The following SEMA3A variants were observed in gnomAD, a reference collection of about 807,000 sequenced individuals.
SEMA3A encodes the protein semaphorin 3A.
Under a neutral mutation model 97.9 loss-of-function variants are expected in SEMA3A, and 29 were observed. The ratio of observed to expected loss-of-function variants is 0.30; its 90% confidence interval spans 0.22 to 0.40. SEMA3A has a LOEUF of 0.40. SEMA3A is among the 10% of genes least tolerant of loss of function. The pLI, the probability that SEMA3A is intolerant of heterozygous loss-of-function variation, is 1.00. For synonymous variants in SEMA3A, 321 were observed against 323.7 expected (o/e 0.99, Z 0.09); for missense variants, 763 against 951.3 (o/e 0.80, Z 2.60).
intron 1 of SEMA3A, among the ~76,000 whole-genome samples, chr7:84,391,361 T>A (rs1562930097): frequency 6.6e-6 from 1 of 152,096 alleles, no homozygotes; most frequent in Non-Finnish European, 1.5e-5. Flanking sequence ...AGGAAACATA[T>A]GTGGAAATCC....
intron 9 of SEMA3A, among the ~76,000 whole-genome samples, chr7:84,007,905 T>A (rs1790730340): frequency 6.6e-6 from 1 of 152,208 alleles, no homozygotes; most frequent in Non-Finnish European, 1.5e-5. Flanking sequence ...TTAGCAAGAA[T>A]GTTTAAGAAC....
intron 1 of SEMA3A, among the ~76,000 whole-genome samples, chr7:84,142,085 A>C (rs747885538): frequency 1.3e-5 from 2 of 152,202 alleles, no homozygotes; most frequent in Non-Finnish European, 2.9e-5. Flanking sequence ...CTTCAAAGGC[A>C]GAACTATCTG....
chr7:84,319,673 C>T (rs952367431), intron 2 of SEMA3A, among the ~76,000 whole-genome samples: 1 of 152,116 alleles, frequency 6.6e-6, no homozygotes, highest in African/African-American at 2.4e-5. Context: ...GTGACATTAT[C>T]ACCAAAATAT....
chr7:84,453,136 A>G (rs1805600308), intron 1 of SEMA3A, among the ~76,000 whole-genome samples: 1 of 152,198 alleles, frequency 6.6e-6, no homozygotes, highest in African/African-American at 2.4e-5. Flanking sequence ...TCGTATCCTT[A>G]TACATATCGA....
At chr7:84,037,558 C>T (rs888518262) in intron 6 of SEMA3A, among the ~76,000 whole-genome samples, 3 of 152,030 alleles carry the variant, frequency 2.0e-5, no homozygotes, top group African/African-American at 4.8e-5. Context: ...TCTGTAAACA[C>T]GTTGAAAAGT....
chr7:84,074,557 T>C (rs1228376426), intron 4 of SEMA3A, among the ~76,000 whole-genome samples: 2 of 152,004 alleles, frequency 1.3e-5, no homozygotes, highest in African/African-American at 4.8e-5. Context: ...AAGCAAACAA[T>C]AAATTCCTGC....
In SEMA3A at chr7:83,961,550, G is replaced by C. The variant is rs757793153; in HGVS notation, c.2137C>G (p.Pro713Ala). ...YRDFMQLINH[P>A]NLNTMDEFCE... ...AACTCATCCATTGTGTTGAGATTGG[G>C]GTGGTTGATGAGCTGCATGAAGTCT... Residue 713 changes from proline (P) to alanine (A), a missense_variant, in exon 17 of 17, where the codon CCC (proline) becomes GCC (alanine). Pro to Ala is a conservative substitution (Grantham distance 27). Transcript: ENST00000265362. 1 of 1,614,070 alleles carries C rather than the reference G, an allele frequency of 6.2e-7. No individual in the cohort carries two copies. The highest frequency in any genetic ancestry group is 8.5e-7 in the Non-Finnish European group (1 of 1,179,964).
intron 1 of SEMA3A, among the ~76,000 whole-genome samples, chr7:84,443,520 CA>C (rs754852043): frequency 1.4e-4 from 22 of 151,970 alleles, no homozygotes; most frequent in Admixed American, 3.9e-4. Context: ...GAGTAGGAAA[CA>C]AAAAGTGTCA....
intron 1 of SEMA3A, among the ~76,000 whole-genome samples, chr7:84,441,191 A>T (rs1015021926): frequency 2.0e-5 from 3 of 151,396 alleles, no homozygotes; most frequent in Admixed American, 6.6e-5. Context: ...AAATAAAAAT[A>T]AAAAAAACAG....
intron 12 of SEMA3A, among the ~76,000 whole-genome samples, chr7:83,995,215 C>A (rs1369573260): frequency 6.6e-6 from 1 of 152,182 alleles, no homozygotes; most frequent in East Asian, 1.9e-4. Context: ...CACCCACTGT[C>A]TGGCACTCCC....
chr7:84,148,060 C>T (rs1433964510), intron 1 of SEMA3A, among the ~76,000 whole-genome samples: 1 of 151,638 alleles, frequency 6.6e-6, no homozygotes, highest in South Asian at 2.1e-4. Flanking sequence ...CAGGCATGAG[C>T]CACCATGCCT....
At chr7:84,224,323 T>C (rs1798942296) in intron 3 of SEMA3A, among the ~76,000 whole-genome samples, 1 of 152,050 alleles carries the variant, frequency 6.6e-6, no homozygotes, top group African/African-American at 2.4e-5. Context: ...AGTTTTTTAC[T>C]TTGTAAATTA....
chr7:84,382,770 C>A (rs922568680), intron 1 of SEMA3A, among the ~76,000 whole-genome samples: 2 of 148,884 alleles, frequency 1.3e-5, no homozygotes, highest in East Asian at 4.0e-4. Context: ...TCCAGCTACT[C>A]GGGAGGCTGA....
At chr7:84,188,450 T>C (rs1165364751) in intron 1 of SEMA3A, among the ~76,000 whole-genome samples, 1 of 152,004 alleles carries the variant, frequency 6.6e-6, no homozygotes, top group Non-Finnish European at 1.5e-5. Flanking sequence ...TTCTTCTATA[T>C]GCTTAATTAA....
At chr7:84,414,390 AAAG>A (rs1434510677) in intron 1 of SEMA3A, among the ~76,000 whole-genome samples, 1 of 146,586 alleles carries the variant, frequency 6.8e-6, no homozygotes, top group African/African-American at 2.5e-5. Flanking sequence ...TAATTGGCTA[AAAG>A]TAAAAAAAAA....
At chr7:84,371,440 CA>C (rs1453082173) in intron 2 of SEMA3A, among the ~76,000 whole-genome samples, 1 of 151,768 alleles carries the variant, frequency 6.6e-6, no homozygotes, top group Non-Finnish European at 1.5e-5. Flanking sequence ...TTTTCTAACA[CA>C]AAATTTTGAA....
At chr7:84,472,941 T>C (rs1806190316) in intron 1 of SEMA3A, among the ~76,000 whole-genome samples, 2 of 152,180 alleles carry the variant, frequency 1.3e-5, no homozygotes, top group Non-Finnish European at 2.9e-5. Context: ...GATCCTCATG[T>C]GACAGCATTA....
At chr7:84,301,626 A>G (rs2115827692) in intron 3 of SEMA3A, among the ~76,000 whole-genome samples, 2 of 152,246 alleles carry the variant, frequency 1.3e-5, no homozygotes, top group South Asian at 4.1e-4. Flanking sequence ...TTAAGGGCTG[A>G]ATAGTAAATA....
intron 1 of SEMA3A, among the ~76,000 whole-genome samples, chr7:84,405,709 T>G (rs1468286811): frequency 6.6e-6 from 1 of 152,178 alleles, no homozygotes. Context: ...CAGACCACAG[T>G]GCAATCAAAC....
Sources: allele counts gnomAD v4.1 joint callset (sites outside exome capture counted in the v4.1 genomes callset), GRCh38; gene constraint gnomAD v4.1.1; transcripts MANE v1.5; gene names NCBI Gene and HGNC (gene_info 2026-07-23, HGNC 2026-07-21).